The following RBM33 variants were observed in gnomAD, a reference collection of about 807,000 sequenced individuals.
RBM33 encodes RNA-binding protein 33.
RBM33 carries 28 observed loss-of-function variants against 132.6 expected under a neutral mutation model. The ratio of observed to expected loss-of-function variants is 0.21; its 90% CI spans 0.16 to 0.29. RBM33 has a LOEUF of 0.29. Among genes scored for constraint, RBM33 ranks in the 10% least tolerant of loss-of-function variants. The pLI, the probability that RBM33 is intolerant of heterozygous loss-of-function variation, is 1.00. For synonymous variants in RBM33, 634 were observed against 593.0 expected, an observed-to-expected ratio of 1.07 and a Z score of -1.01; for missense variants, 1,291 against 1,518.5, an observed-to-expected ratio of 0.85 and a Z score of 2.49.
intron 2 of RBM33, among the ~76,000 whole-genome samples, chr7:155,672,261 T>A (rs1798962576): frequency 6.6e-6 from 1 of 152,204 alleles, no homozygotes; most frequent in South Asian, 2.1e-4. Context: ...ATATTACAGT[T>A]TCTGCTTTTA....
At chr7:155,686,045 T>C (rs10949732) in intron 5 of RBM33, among the ~76,000 whole-genome samples, 91,020 of 152,038 alleles carry the variant, frequency 0.6, 29,480 homozygotes, top group South Asian at 0.77. Flanking sequence ...AAACTAAATT[T>C]GATTTTGTGT....
chr7:155,677,167 T>C (rs1799206279), intron 3 of RBM33, among the ~76,000 whole-genome samples: 2 of 152,094 alleles, frequency 1.3e-5, no homozygotes, highest in South Asian at 4.1e-4. Context: ...GAACTGGCCC[T>C]GTGTGGATGA....
At chr7:155,764,276 A>T (rs779272944) in intron 15 of RBM33, among the ~76,000 whole-genome samples, 1 of 152,212 alleles carries the variant, frequency 6.6e-6, no homozygotes, top group African/African-American at 2.4e-5. Flanking sequence ...TGCCGCTCTG[A>T]ACTGTCGACC....
chr7:155,741,211 C>G (rs1225438573), intron 12 of RBM33, among the ~76,000 whole-genome samples: 3 of 151,884 alleles, frequency 2.0e-5, no homozygotes, highest in Non-Finnish European at 4.4e-5. Context: ...TCGGAGATCC[C>G]CCTGCTTCCC....
intron 14 of RBM33, chr7:155,746,499 A>C (rs1176216107): frequency 6.6e-6 from 1 of 152,150 alleles, no homozygotes; most frequent in East Asian, 1.9e-4. Flanking sequence ...GGTCATTTTC[A>C]GTCAGGCACA....
intron 5 of RBM33, among the ~76,000 whole-genome samples, chr7:155,694,323 C>G (rs10240868): frequency 3.3e-5 from 5 of 152,218 alleles, no homozygotes; most frequent in Non-Finnish European, 7.4e-5. Flanking sequence ...CACATTAGTG[C>G]TAGTTATGCT....
At chr7:155,766,349 C>T in intron 15 of RBM33, 118 bp from the exon 16 acceptor site, 2 of 1,135,166 alleles carry the variant, frequency 1.8e-6, no homozygotes, top group Non-Finnish European at 2.5e-6. Context: ...TACAGAAAAT[C>T]CTGTAGCTCA....
rs777857998 is a variant in RBM33 at position 155,775,053 on chromosome 7, A to G, written c.*12A>G. 3 of 1,611,262 alleles carry G rather than the reference A, an allele frequency of 1.9e-6. No homozygotes were observed. In the South Asian group the frequency reaches 3.3e-5, roughly 18 times the overall value. ...TGATCGTGGAGTGAGTCCTAACAAG[A>G]GAGCCTGACCTTAGGCTGTACACAC... On this transcript the variant is annotated 3_prime_UTR_variant, in exon 18 of 18. Transcript: ENST00000401878.
intron 8 of RBM33, among the ~76,000 whole-genome samples, chr7:155,714,357 G>A (rs1800398041): frequency 6.6e-6 from 1 of 152,208 alleles, no homozygotes; most frequent in African/African-American, 2.4e-5. Context: ...GATCATTGGA[G>A]ATCTTTGTAG....
chr7:155,761,383 G>A (rs750356383), intron 14 of RBM33, among the ~76,000 whole-genome samples: 2 of 152,208 alleles, frequency 1.3e-5, no homozygotes, highest in Non-Finnish European at 2.9e-5. Flanking sequence ...CGTAAGCTTG[G>A]TAGTCTTTCT....
chr7:155,725,773 G>A (rs1476123555), intron 9 of RBM33, among the ~76,000 whole-genome samples: 3 of 152,168 alleles, frequency 2.0e-5, no homozygotes, highest in Admixed American at 6.5e-5. Flanking sequence ...TTCACTGCTT[G>A]AACCATTAAC....
In RBM33 at chr7:155,776,996, C is replaced by T. The variant is rs1472770962; in HGVS notation, c.*1955C>T. 6.6e-6 allele frequency: 1 copy of T among 152,050 alleles called. No homozygotes were observed. Among genetic ancestry groups the T allele is most frequent in the Non-Finnish European group, 1.5e-5 (1 of 68,004 alleles). 9.4% of individuals were successfully genotyped at this position (152,050 alleles called of 1,614,324 possible). ...CCCACTGGGCAGTGGGAAGGCCTAC[C>T]GACTTACTTTATCATTGAGGGCTTA... On this transcript the variant is annotated 3_prime_UTR_variant, in exon 18 of 18. Coordinates refer to ENST00000401878, the MANE Select transcript of RBM33 (RefSeq NM_053043.3). The surrounding 1 kb of genome is among the most constrained non-coding windows in gnomAD (Gnocchi z 4.0).
Position 155,739,941 on chromosome 7 carries a change from C to T in RBM33, c.1964C>T (p.Pro655Leu), listed in dbSNP as rs754396613. 6.4e-7 allele frequency: 1 copy of T among 1,554,316 alleles called. No individual in the cohort carries two copies. The highest frequency in any genetic ancestry group is 1.2e-5 in the South Asian group (1 of 84,190). Residue 655 changes from proline (P) to leucine (L), a missense_variant, in exon 12 of 18, where the codon CCA becomes CTA. By Grantham distance (98) the Pro-to-Leu change is moderately conservative. Around this residue, in one of 7 missense-constraint regions of RBM33, gnomAD observed 841 missense variants for 912.0 expected, o/e 0.92. Transcript: ENST00000401878. ...CCTCCTTTGATGCCGATGTCTCAGC[C>T]ACAGTTCCGGCCTCACGTACAGACC... is the stretch of plus-strand genomic sequence containing the variant. ...PPPPLMPMSQ[P>L]QFRPHVQTAQ...
rs1428656756 is a variant in RBM33 at position 155,763,975 on chromosome 7, C to A, written c.3143C>A (p.Pro1048His). 6.3e-7 allele frequency: 1 copy of A among 1,587,710 alleles called. No homozygotes were observed. Among genetic ancestry groups the A allele is most frequent in the Non-Finnish European group, 8.6e-7 (1 of 1,167,004 alleles). ...GGGCCCCACGCACACTCGCCTGTCCCTCCAGGGATCAAAAGCATCCAAGGA... is the reference window on the plus strand; with the variant it reads ...GGGCCCCACGCACACTCGCCTGTCCATCCAGGGATCAAAAGCATCCAAGGA... ...PAGPHAHSPVPPGIKSIQGIH... is the reference protein window; with the variant it reads ...PAGPHAHSPVHPGIKSIQGIH... Residue 1048 changes from proline (P) to histidine (H), a missense_variant, in exon 15 of 18, where the codon CCT becomes CAT. By Grantham distance (77) the Pro-to-His change is moderately conservative. This residue lies in a region of RBM33 where 841 missense variants were observed against 912.0 expected (regional missense o/e 0.92). Transcript: ENST00000401878.
intron 9 of RBM33, among the ~76,000 whole-genome samples, chr7:155,728,384 TGAG>T (rs1457791660): frequency 6.6e-6 from 1 of 152,088 alleles, no homozygotes; most frequent in East Asian, 1.9e-4. Flanking sequence ...CCCAGCTGCT[TGAG>T]GAGACAGCAC....
chr7:155,745,454 C>T lies in RBM33; in HGVS notation c.2831C>T (p.Pro944Leu). Residue 944 changes from proline (P) to leucine (L), a missense_variant, in exon 14 of 18, where the codon CCC becomes CTC. Around this residue, in one of 7 missense-constraint regions of RBM33, gnomAD observed 841 missense variants for 912.0 expected, o/e 0.92. Coordinates refer to ENST00000401878, the MANE Select transcript of RBM33 (RefSeq NM_053043.3). This position sits in a 1 kb window ranked among gnomAD's most constrained non-coding sequence, Gnocchi z 4.1. The stretch of plus-strand genomic sequence containing the variant: ...GCAGATGTGGAGGAGCCAGCTGTCC[C>T]CCAGACTCCTCGAGTGGCGTCCATC... Reference protein sequence around the residue: ...KPADVEEPAVPQTPRVASIQG... With the variant: ...KPADVEEPAVLQTPRVASIQG... 6.2e-7 allele frequency: 1 copy of T among 1,613,866 alleles called. No individual in the cohort carries two copies. Among genetic ancestry groups the T allele is most frequent in the Non-Finnish European group, 8.5e-7 (1 of 1,179,852 alleles).
At chr7:155,667,800 A>T (rs1302783184) in intron 2 of RBM33, among the ~76,000 whole-genome samples, 1 of 152,132 alleles carries the variant, frequency 6.6e-6, no homozygotes, top group Non-Finnish European at 1.5e-5. Context: ...TAATTTTTTT[A>T]AATAGCTATA....
intron 9 of RBM33, among the ~76,000 whole-genome samples, chr7:155,720,945 G>A (rs904070813): frequency 6.6e-6 from 1 of 152,164 alleles, no homozygotes; most frequent in African/African-American, 2.4e-5. Context: ...TGTAGCAGGT[G>A]GTCTGTTTGA....
chr7:155,745,242 ACTT>A lies in RBM33; in HGVS notation c.2623_2625del (p.Leu875del), dbSNP rs761237320. 2.1e-5 allele frequency: 34 copies of A among 1,612,796 alleles called. No homozygotes were observed. In the South Asian group the frequency reaches 2.9e-4, roughly 14 times the overall value. ...AGGTCAGACAAAATGTGAAGAACAG[ACTT>A]CTTGTTAAAAACCAGGATGTCAGTA... On this transcript the variant is annotated inframe_deletion, in exon 14 of 18. Transcript: ENST00000401878. The surrounding 1 kb of genome is among the most constrained non-coding windows in gnomAD (Gnocchi z 4.1).
Sources: allele counts gnomAD v4.1 joint callset (sites outside exome capture counted in the v4.1 genomes callset), GRCh38; gene constraint gnomAD v4.1.1; regional missense constraint gnomAD v4.1.1; non-coding constraint Gnocchi (gnomAD v3.1); transcripts MANE v1.5; gene names NCBI Gene and HGNC (gene_info 2026-07-23, HGNC 2026-07-21).